SHOC2: variants seen among roughly 807,000 people sequenced by gnomAD.
The protein encoded by SHOC2 is SHOC2 leucine rich repeat scaffold protein.
A neutral mutation model predicts 50.2 loss-of-function variants in SHOC2; 4 were observed. The observed-to-expected ratio is 0.08, with a 90% confidence interval of 0.04 to 0.18. The LOEUF (loss-of-function observed/expected upper bound fraction) is 0.18. Ranked by LOEUF, SHOC2 falls within the 10% of genes least tolerant of loss-of-function variation. The pLI is 1.00. For missense variants in SHOC2, 388 were observed against 669.6 expected (o/e 0.58, Z 4.64); for synonymous variants, 218 against 244.5 (o/e 0.89, Z 1.01).
chr10:110,960,400 T>C (rs1472174190), intron 1 of SHOC2, among the ~76,000 whole-genome samples: 1 of 152,178 alleles, frequency 6.6e-6, no homozygotes, highest in Non-Finnish European at 1.5e-5. Context: ...CACCGTCATA[T>C]AGTCATGATT....
At chr10:110,989,083 T>C (rs1848134240) in intron 3 of SHOC2, 1 of 485,736 alleles carries the variant, frequency 2.1e-6, no homozygotes. Context: ...TTTACCTCCA[T>C]TGTGGTCAAG....
intron 3 of SHOC2, among the ~76,000 whole-genome samples, chr10:110,986,243 T>C (rs1290133101): frequency 1.3e-5 from 2 of 152,224 alleles, no homozygotes; most frequent in African/African-American, 2.4e-5. Context: ...ATATGTTTTA[T>C]AGACTTAGCC....
At chr10:111,001,076 C>T (rs1489626342) in intron 4 of SHOC2, among the ~76,000 whole-genome samples, 5 of 137,396 alleles carry the variant, frequency 3.6e-5, no homozygotes, top group African/African-American at 1.1e-4. Context: ...TTTTTTTTAA[C>T]ACATTTTTAG....
chr10:110,992,881 A>G (rs866044645), intron 3 of SHOC2, among the ~76,000 whole-genome samples: 59 of 152,200 alleles, frequency 3.9e-4, no homozygotes, highest in Middle Eastern at 3.4e-3. Context: ...CATCCTTCCA[A>G]CCCTGAGTCT....
intron 4 of SHOC2, 139 bp from the exon 5 acceptor site, chr10:111,004,467 G>A: frequency 1.5e-6 from 1 of 673,018 alleles, no homozygotes; most frequent in Non-Finnish European, 2.7e-6. Flanking sequence ...GTAGAGAAGT[G>A]TCACAGACTG....
rs66612382 is a variant in SHOC2 at position 110,997,528 on chromosome 10, CT to C, written c.842-2882del. Among the ~76,000 whole-genome samples, 102 of 152,106 alleles carry C rather than the reference CT, an allele frequency of 6.7e-4. No individual in the cohort carries two copies. The Middle Eastern group carries it at 0.01, about 15-fold the overall frequency. ...ATACAAAATGCACAATTTTATCATG[CT>C]TTTTCCCCCCCAACTTAACATCATA... On this transcript the variant is annotated intron_variant, in intron 3 of 8. Coordinates refer to ENST00000369452, the MANE Select transcript of SHOC2 (RefSeq NM_007373.4).
intron 3 of SHOC2, among the ~76,000 whole-genome samples, chr10:111,000,108 G>A (rs558470275): frequency 4.6e-5 from 7 of 152,274 alleles, no homozygotes; most frequent in Non-Finnish European, 1.0e-4. Context: ...CTGCTTTGAT[G>A]CAGTTAAATT....
intron 1 of SHOC2, among the ~76,000 whole-genome samples, chr10:110,951,297 A>G (rs2134104049): frequency 6.6e-6 from 1 of 152,316 alleles, no homozygotes; most frequent in South Asian, 2.1e-4. Context: ...ATTAATCATC[A>G]GGGAAATGCA....
chr10:110,932,665 C>A (rs1846917157), intron 1 of SHOC2, among the ~76,000 whole-genome samples: 1 of 152,156 alleles, frequency 6.6e-6, no homozygotes, highest in Non-Finnish European at 1.5e-5. Flanking sequence ...TTTTAAGAAG[C>A]CTTTCCTGAT....
intron 1 of SHOC2, among the ~76,000 whole-genome samples, chr10:110,948,239 A>C (rs922051942): frequency 6.6e-6 from 1 of 152,214 alleles, no homozygotes; most frequent in Non-Finnish European, 1.5e-5. Flanking sequence ...GAGAAAGCCA[A>C]GATTCTAAAA....
At chr10:110,995,871 C>G (rs1325168356) in intron 3 of SHOC2, among the ~76,000 whole-genome samples, 3 of 152,170 alleles carry the variant, frequency 2.0e-5, no homozygotes, top group African/African-American at 7.2e-5. Flanking sequence ...TTCATTCTCT[C>G]CTGTTCCTAG....
chr10:110,937,339 G>C (rs546201835), intron 1 of SHOC2: 154 of 637,858 alleles, frequency 2.4e-4, no homozygotes, highest in African/African-American at 2.2e-3. Flanking sequence ...AATGTTTCAA[G>C]CAAGGGACTG....
intron 1 of SHOC2, among the ~76,000 whole-genome samples, chr10:110,963,475 G>GT (rs1847610754): frequency 6.6e-6 from 1 of 152,012 alleles, no homozygotes; most frequent in Non-Finnish European, 1.5e-5. Context: ...GAACTGTGCT[G>GT]TTTTTCATAC....
chr10:110,929,345 A>G (rs1291502568), intron 1 of SHOC2, among the ~76,000 whole-genome samples: 1 of 152,238 alleles, frequency 6.6e-6, no homozygotes, highest in East Asian at 1.9e-4. Context: ...TTTAAATAAT[A>G]TATCACTTGC....
At chr10:110,993,010 G>T (rs748751343) in intron 3 of SHOC2, among the ~76,000 whole-genome samples, 2 of 152,138 alleles carry the variant, frequency 1.3e-5, no homozygotes, top group Non-Finnish European at 1.5e-5. Flanking sequence ...GAAATTGAAA[G>T]AATCTAATTT....
At chr10:110,962,151 T>G (rs940360364) in intron 1 of SHOC2, among the ~76,000 whole-genome samples, 1 of 152,118 alleles carries the variant, frequency 6.6e-6, no homozygotes, top group Non-Finnish European at 1.5e-5. Flanking sequence ...TCTTGTTCTA[T>G]CCTCTGTACT....
At chr10:110,970,956 T>G in intron 2 of SHOC2, among the ~76,000 whole-genome samples, 1 of 152,130 alleles carries the variant, frequency 6.6e-6, no homozygotes, top group African/African-American at 2.4e-5. Flanking sequence ...TGTATATTAA[T>G]CTATTGTCAG....
At chr10:111,008,682 TA>T (rs1848513490) in intron 6 of SHOC2, among the ~76,000 whole-genome samples, 1 of 152,092 alleles carries the variant, frequency 6.6e-6, no homozygotes, top group African/African-American at 2.4e-5. Context: ...TAAATGAACA[TA>T]AAAACTTACC....
intron 1 of SHOC2, among the ~76,000 whole-genome samples, chr10:110,959,024 A>G (rs1564712600): frequency 6.6e-6 from 1 of 152,226 alleles, no homozygotes; most frequent in Non-Finnish European, 1.5e-5. Context: ...TAAAGGAGAT[A>G]TATAAGAAAA....
Sources: allele counts gnomAD v4.1 joint callset (sites outside exome capture counted in the v4.1 genomes callset), GRCh38; gene constraint gnomAD v4.1.1; transcripts MANE v1.5; gene names NCBI Gene and HGNC (gene_info 2026-07-23, HGNC 2026-07-21).